Variants in SULF2 observed in about 807,000 individuals in gnomAD.
The protein encoded by SULF2 is extracellular sulfatase Sulf-2.
Under a neutral mutation model 107.7 loss-of-function variants are expected in SULF2, and 52 were observed. The observed-to-expected ratio is 0.48, with a 90% confidence interval of 0.39 to 0.61. The LOEUF (loss-of-function observed/expected upper bound fraction) is 0.61. Ranked by LOEUF, SULF2 falls within the 20% of genes least tolerant of loss-of-function variation. SULF2 has a pLI of 0.00. For synonymous variants in SULF2, 460 were observed against 464.3 expected (o/e 0.99, Z 0.12); for missense variants, 993 against 1,177.3 (o/e 0.84, Z 2.29).
At chr20:47,700,891 C>T (rs368640118) in intron 4 of SULF2, among the ~76,000 whole-genome samples, 2 of 152,218 alleles carry the variant, frequency 1.3e-5, no homozygotes, top group East Asian at 3.9e-4. Flanking sequence ...AGTGATCCAC[C>T]CGCCTCAGTC....
intron 3 of SULF2, among the ~76,000 whole-genome samples, chr20:47,726,856 C>T (rs1267386480): frequency 6.6e-6 from 1 of 152,170 alleles, no homozygotes; most frequent in African/African-American, 2.4e-5. Flanking sequence ...TCACCCTTCC[C>T]TCACTTTTGA....
chr20:47,717,770 T>C (rs1439052021), intron 3 of SULF2, among the ~76,000 whole-genome samples: 2 of 152,062 alleles, frequency 1.3e-5, no homozygotes, highest in Non-Finnish European at 2.9e-5. Context: ...GCCATAGTCG[T>C]TATCCAGATC....
At chr20:47,709,334 T>C (rs1336505080) in intron 3 of SULF2, among the ~76,000 whole-genome samples, 2 of 152,120 alleles carry the variant, frequency 1.3e-5, no homozygotes, top group Non-Finnish European at 2.9e-5. Context: ...GAAAGGCCAT[T>C]GACAATGAGC....
chr20:47,746,534 T>C (rs1417423752), intron 2 of SULF2, among the ~76,000 whole-genome samples: 1 of 152,192 alleles, frequency 6.6e-6, no homozygotes, highest in Non-Finnish European at 1.5e-5. Context: ...CACCTGCTAA[T>C]GGGCTGCAGC....
At chr20:47,659,489 C>A (rs1283319986) in intron 19 of SULF2, 37 bp from the exon 20 acceptor site, 1 of 1,608,250 alleles carries the variant, frequency 6.2e-7, no homozygotes, top group Non-Finnish European at 8.5e-7. Context: ...TGAATGTTAA[C>A]CATCACCAAG....
chr20:47,708,083 G>T (rs1382237913), intron 3 of SULF2, among the ~76,000 whole-genome samples: 1 of 152,178 alleles, frequency 6.6e-6, no homozygotes, highest in Non-Finnish European at 1.5e-5. Context: ...GGTATGCAGG[G>T]AGCTTCCCAG....
intron 1 of SULF2, among the ~76,000 whole-genome samples, chr20:47,771,577 C>T (rs1444648438): frequency 6.6e-6 from 1 of 152,224 alleles, no homozygotes; most frequent in African/African-American, 2.4e-5. Flanking sequence ...TCCAACTCAG[C>T]CTCTGCCCTT....
intron 10 of SULF2, among the ~76,000 whole-genome samples, chr20:47,673,134 T>A (rs372923670): frequency 6.6e-6 from 1 of 152,222 alleles, no homozygotes; most frequent in Non-Finnish European, 1.5e-5. Context: ...TCCAGCCTCC[T>A]GGATCCCCTC....
At chr20:47,764,861 C>T (rs1301341355) in intron 1 of SULF2, among the ~76,000 whole-genome samples, 2 of 152,222 alleles carry the variant, frequency 1.3e-5, no homozygotes, top group African/African-American at 4.8e-5. Context: ...GGGCCCTGCA[C>T]AATTCTAAGC....
chr20:47,687,718 T>A (rs1377390198), intron 5 of SULF2, among the ~76,000 whole-genome samples: 2 of 151,852 alleles, frequency 1.3e-5, no homozygotes, highest in East Asian at 1.9e-4. Flanking sequence ...TGTGTGTTTT[T>A]TTTTTTCGAG....
At chr20:47,659,583 A>G in intron 19 of SULF2, 114 bp downstream of exon 19, 1 of 1,363,730 alleles carries the variant, frequency 7.3e-7, no homozygotes, top group Non-Finnish European at 1.0e-6. Flanking sequence ...TCTCGGGCAG[A>G]CCAGAGGGAA....
intron 3 of SULF2, chr20:47,706,894 G>A (rs1371652662): frequency 1.3e-5 from 2 of 152,104 alleles, no homozygotes; most frequent in Non-Finnish European, 2.9e-5. Context: ...TTTCTTAATC[G>A]GCTCAGGACC....
chr20:47,678,452 G>T lies in SULF2; in HGVS notation c.1193+224C>A. ...TTTGGGTAATTTTAGCTCAGAGAAG[G>T]TCCCCAACTGGTCACCTTGGCCACA... On this transcript the variant is annotated intron_variant, in intron 8 of 20. Coordinates refer to ENST00000688720, the MANE Select transcript of SULF2 (RefSeq NM_001387048.1). The surrounding 1 kb of genome is among the most constrained non-coding windows in gnomAD (Gnocchi z 4.5). The T allele has an allele frequency of 1.7e-6, 1 of 590,964 alleles. No homozygotes were observed. The highest frequency in any genetic ancestry group is 3.0e-6 in the Non-Finnish European group (1 of 330,176). The allele number at this position is 590,964 out of a possible 1,614,324, so 36.6% of individuals were successfully genotyped here.
intron 1 of SULF2, among the ~76,000 whole-genome samples, chr20:47,768,626 C>T (rs73317812): frequency 0.077 from 11,660 of 152,300 alleles, 1,461 homozygotes; most frequent in African/African-American, 0.26. Context: ...AGGGCCAACT[C>T]GCCCATCCTT....
Position 47,757,198 on chromosome 20 carries a change from C to T in SULF2, c.166G>A (p.Val56Met), listed in dbSNP as rs1005585209. 3 of 1,554,830 alleles carry T rather than the reference C, an allele frequency of 1.9e-6. No individual in the cohort carries two copies. The highest frequency in any genetic ancestry group is 1.4e-5 in the African/African-American group (1 of 73,328). The change falls in exon 2 of 21, where the codon GTG (valine) becomes ATG (methionine). Residue 56 changes from valine to methionine, a missense_variant. Physicochemically the swap from Val to Met is conservative, Grantham distance 21 (BLOSUM62 1). This residue lies in a region of SULF2 where 388 missense variants were observed against 449.2 expected (regional missense o/e 0.86). Transcript: ENST00000688720. Reference sequence around the variant, plus strand: ...GGGCCCCGAGGCTTACCCAGCTCCACATCCTGGTCGTCCGTCAGCACCAGG... The same window carrying T: ...GGGCCCCGAGGCTTACCCAGCTCCATATCCTGGTCGTCCGTCAGCACCAGG... ...IILVLTDDQD[V>M]ELGSMQVMNK... is the part of the protein sequence containing the mutation.
In SULF2 at chr20:47,736,745, G is replaced by T; in HGVS notation, c.373C>A (p.Arg125Ser). 1.2e-6 allele frequency: 2 copies of T among 1,614,218 alleles called. No individual in the cohort carries two copies. Among genetic ancestry groups the T allele is most frequent in the Non-Finnish European group, 1.7e-6 (2 of 1,180,030 alleles). ...SPSWQAQHES[R>S]TFAVYLNSTG... ...CTATTGAGGTACACGGCAAAGGTGC[G>T]GCTCTCGTGCTGTGCCTGCCAGGAG... Residue 125 changes from arginine (R) to serine (S), a missense_variant, in exon 3 of 21, where the codon CGC becomes AGC. Coordinates refer to ENST00000688720, the MANE Select transcript of SULF2 (RefSeq NM_001387048.1).
rs1296283324 is a variant in SULF2, at chr20:47,690,234, A to G, written c.629T>C (p.Met210Thr). The G allele has an allele frequency of 1.6e-5, 25 of 1,571,580 alleles. No individual in the cohort carries two copies. Among genetic ancestry groups the G allele is most frequent in the Non-Finnish European group, 2.1e-5 (24 of 1,155,640 alleles). Residue 210 changes from methionine (M) to threonine (T), a missense_variant, in exon 5 of 21, where the codon ATG becomes ACG. Around this residue, in one of 3 missense-constraint regions of SULF2, gnomAD observed 388 missense variants for 449.2 expected, o/e 0.86. Transcript: ENST00000688720. ...SVSFFRTSKK[M>T]YPHRPVLMVI... ...CATGAGGACTGGCCTGTGCGGGTAC[A>G]TCTTCTTGGACGTGCGGAAGAAGCT... is the stretch of plus-strand genomic sequence containing the variant.
intron 1 of SULF2, among the ~76,000 whole-genome samples, chr20:47,769,431 C>T (rs6066460): frequency 0.63 from 93,749 of 149,846 alleles, 29,901 homozygotes; most frequent in East Asian, 0.9. Flanking sequence ...CTCCTGACCT[C>T]AAGTGATCTG....
At chr20:47,718,518 G>A (rs963087014) in intron 3 of SULF2, among the ~76,000 whole-genome samples, 10 of 152,278 alleles carry the variant, frequency 6.6e-5, no homozygotes, top group Non-Finnish European at 1.2e-4. Context: ...AGGCCAGTCC[G>A]AGGCAGGGAA....
Sources: gnomAD v4.1 joint callset for allele counts (sites outside exome capture counted in the v4.1 genomes callset) on GRCh38, gnomAD v4.1.1 for gene constraint, gnomAD v4.1.1 regional missense constraint, Gnocchi (gnomAD v3.1) non-coding constraint, MANE v1.5 for transcripts, NCBI Gene and HGNC (gene_info 2026-07-23, HGNC 2026-07-21) for gene names.